PLA2G7: variants seen among roughly 807,000 people sequenced by gnomAD.
The protein encoded by PLA2G7 is phospholipase A2 group VII.
Under a neutral mutation model 49.6 loss-of-function variants are expected in PLA2G7, and 63 were observed. That is an observed-to-expected ratio of 1.27 (90% CI 1.04 to 1.57). PLA2G7 has a LOEUF of 1.57. Among genes scored for constraint, PLA2G7 ranks in the 40% most tolerant of loss-of-function variants. The probability of loss-of-function intolerance (pLI) is 0.00; values close to 1 mark genes in which losing one functional copy is unlikely to be tolerated. For missense variants in PLA2G7, 596 were observed against 521.2 expected, an observed-to-expected ratio of 1.14 and a Z score of -1.40; for synonymous variants, 193 against 169.9, an observed-to-expected ratio of 1.14 and a Z score of -1.06.
rs759169916 is a variant in PLA2G7 at position 46,716,376 on chromosome 6, A to C, written c.376+8T>G. On this transcript the variant is annotated splice_region_variant and intron_variant, in intron 4 of 11. Coordinates refer to ENST00000274793, the MANE Select transcript of PLA2G7 (RefSeq NM_005084.4). ...GAGCCTACAAAGAAGGATCAACAGA[A>C]ATCTTACCAAAGAGTAACCTCAAAA... 1 of 1,614,016 alleles carries C rather than the reference A, an allele frequency of 6.2e-7. No homozygotes were observed. Among genetic ancestry groups the C allele is most frequent in the East Asian group, 2.2e-5 (1 of 44,860 alleles).
At chr6:46,712,520 G>T (rs995984836) in intron 5 of PLA2G7, among the ~76,000 whole-genome samples, 183 bp from the exon 6 acceptor site, 2 of 152,154 alleles carry the variant, frequency 1.3e-5, no homozygotes, top group African/African-American at 4.8e-5. Context: ...ACAATGTCTG[G>T]AGGTATTTTC....
rs183702131 is a variant in PLA2G7, at chr6:46,712,333, G to T, written c.475C>A (p.Leu159Ile). The change falls in exon 6 of 12, where the codon CTT (leucine) becomes ATT (isoleucine). Residue 159 changes from leucine to isoleucine, a missense_variant. Transcript: ENST00000274793. Reference protein sequence around the residue: ...FSHGLGAFRTLYSAIGIDLAS... With the variant: ...FSHGLGAFRTIYSAIGIDLAS... ...AGGTCAATGCCAATAGCAGAATAAAGTGTCCTTCAAAACAAAAAGAGGGAA... is the reference window on the plus strand; with the variant it reads ...AGGTCAATGCCAATAGCAGAATAAATTGTCCTTCAAAACAAAAAGAGGGAA... 6.8e-6 allele frequency: 11 copies of T among 1,610,318 alleles called. No individual in the cohort carries two copies. The East Asian group carries it at 2.5e-4, about 36-fold the overall frequency.
At chr6:46,727,629 C>T (rs562219603) in intron 1 of PLA2G7, among the ~76,000 whole-genome samples, 2 of 152,312 alleles carry the variant, frequency 1.3e-5, no homozygotes, top group South Asian at 4.1e-4. Flanking sequence ...TAATGTTAAT[C>T]AGTTGACCTT....
chr6:46,714,685 C>A, intron 4 of PLA2G7, 132 bp from the exon 5 acceptor site: 3 of 665,540 alleles, frequency 4.5e-6, no homozygotes, highest in South Asian at 1.6e-5. Flanking sequence ...ATAGTAGATT[C>A]ATTAAAAAGA....
Position 46,717,185 on chromosome 6 carries a change from T to C in PLA2G7, c.110-89A>G, listed in dbSNP as rs964573435. ...AGAATTCCAACGGAATCAAGTTACT[T>C]CCCATAGTTTCTGGCCTTCTTTCTT... On this transcript the variant is annotated intron_variant, in intron 2 of 11. Coordinates refer to ENST00000274793, the MANE Select transcript of PLA2G7 (RefSeq NM_005084.4). 8 of 1,186,618 alleles carry C rather than the reference T, an allele frequency of 6.7e-6. No individual in the cohort carries two copies. In the African/African-American group the frequency reaches 1.2e-4, roughly 18 times the overall value. The allele number at this position is 1,186,618 out of a possible 1,614,324, so 73.5% of individuals were successfully genotyped here. A position where few individuals can be genotyped will look rare whatever the true frequency, so the allele number is the denominator to read the frequency against.
Position 46,714,453 on chromosome 6 carries a change from A to T in PLA2G7, c.470+7T>A, listed in dbSNP as rs754779101. ...AAGCCAAAATTGTTCAACCTCTCAA[A>T]CATTACCTGAATGCCCCAAGACCAT... is the stretch of plus-strand genomic sequence containing the variant. On this transcript the variant is annotated splice_region_variant and intron_variant, in intron 5 of 11. Transcript: ENST00000274793. 1.3e-6 allele frequency: 2 copies of T among 1,579,486 alleles called. No individual in the cohort carries two copies. Among genetic ancestry groups the T allele is most frequent in the Non-Finnish European group, 1.7e-6 (2 of 1,148,582 alleles).
At chr6:46,729,688 G>A (rs1035187645) in intron 1 of PLA2G7, among the ~76,000 whole-genome samples, 1 of 152,090 alleles carries the variant, frequency 6.6e-6, no homozygotes, top group Admixed American at 6.5e-5. Flanking sequence ...CTGACACTAG[G>A]GGCTGATAAG....
chr6:46,725,227 G>C (rs1314873521), intron 1 of PLA2G7, among the ~76,000 whole-genome samples: 1 of 151,020 alleles, frequency 6.6e-6, no homozygotes, highest in Non-Finnish European at 1.5e-5. Flanking sequence ...TGTGTTGCTG[G>C]AGCTCTAAAT....
In PLA2G7 at chr6:46,729,277, C is replaced by T. The variant is rs535251039; in HGVS notation, c.-35+5903G>A. Among the ~76,000 whole-genome samples the T allele has an allele frequency of 7.2e-5, 11 of 152,054 alleles. No homozygotes were observed. The South Asian group carries it at 1.2e-3, about 17-fold the overall frequency. Reference sequence around the variant, plus strand: ...TATGGAGGAAAATACTAAAAGAAGCCGGAAAAATGATAATGGGGACCATAG... The same window carrying T: ...TATGGAGGAAAATACTAAAAGAAGCTGGAAAAATGATAATGGGGACCATAG... On this transcript the variant is annotated intron_variant, in intron 1 of 11. Coordinates refer to ENST00000274793, the MANE Select transcript of PLA2G7 (RefSeq NM_005084.4).
At chr6:46,705,102 C>G (rs775528156) in intron 11 of PLA2G7, 51 bp downstream of exon 11, 3 of 1,344,742 alleles carry the variant, frequency 2.2e-6, no homozygotes, top group Middle Eastern at 2.4e-4. Flanking sequence ...AGATAGACAG[C>G]TTTGTCCTGA....
intron 5 of PLA2G7, among the ~76,000 whole-genome samples, chr6:46,713,525 C>T (rs1420469192): frequency 6.6e-6 from 1 of 152,142 alleles, no homozygotes; most frequent in Non-Finnish European, 1.5e-5. Context: ...TCTAATTTGC[C>T]AGTCACTAAT....
At position 46,716,511 on chromosome 6, in the gene PLA2G7, T is replaced by C; in HGVS notation, c.249A>G (p.Leu83=). 3 of 1,613,814 alleles carry C rather than the reference T, an allele frequency of 1.9e-6. No individual in the cohort carries two copies. Among genetic ancestry groups the C allele is most frequent in the Non-Finnish European group, 2.5e-6 (3 of 1,179,728 alleles). The change falls in exon 4 of 12, where the codon TTA becomes TTG. Residue 83 remains leucine, a synonymous_variant. Coordinates refer to ENST00000274793, the MANE Select transcript of PLA2G7 (RefSeq NM_005084.4). ...DHTNKGTFLR[L]YYPSQDNDRL... is the part of the protein sequence containing the mutation. ...GATCATTATCTTGGGATGGATAATA[T>C]AAACGCAAGAAGGTGCCCTGTTAAG...
intron 2 of PLA2G7, among the ~76,000 whole-genome samples, chr6:46,721,267 C>T (rs934852319): frequency 6.6e-6 from 1 of 151,796 alleles, no homozygotes; most frequent in Non-Finnish European, 1.5e-5. Context: ...AGGCTGGTCT[C>T]GAACTCCTGA....
Position 46,725,374 on chromosome 6 carries a change from G to A in PLA2G7, c.-34-2449C>T, listed in dbSNP as rs568177377. Among the ~76,000 whole-genome samples the A allele has an allele frequency of 7.2e-5, 11 of 152,070 alleles. No homozygotes were observed. The Middle Eastern group carries it at 0.017, about 235-fold the overall frequency. On this transcript the variant is annotated intron_variant, in intron 1 of 11. Transcript: ENST00000274793. ...AGCCTCTCGAGTAGCTGGGACTATA[G>A]GTGCCCACCTCCATGCCCGGCTAAT...
At chr6:46,716,596 G>A (rs940482656) in intron 3 of PLA2G7, 68 bp from the exon 4 acceptor site, 61 of 1,540,030 alleles carry the variant, frequency 4.0e-5, no homozygotes, top group Admixed American at 1.7e-4. Flanking sequence ...CAGCTATTTT[G>A]CATATTTAAT....
At chr6:46,717,311 C>G (rs1276587035) in intron 2 of PLA2G7, among the ~76,000 whole-genome samples, 2 of 152,146 alleles carry the variant, frequency 1.3e-5, no homozygotes, top group East Asian at 3.8e-4. Flanking sequence ...TAGACATAGC[C>G]TTTCTCTCAA....
chr6:46,716,466 G>T lies in PLA2G7; in HGVS notation c.294C>A (p.Ile98=), dbSNP rs1278539167. ...GACCCCAAAAATATTCTTTATTTGG[G>T]ATCCAAAGGGTGTCAAGGCGATCAT... is the stretch of plus-strand genomic sequence containing the variant. ...QDNDRLDTLW[I]PNKEYFWGLS... The change falls in exon 4 of 12, where the codon ATC becomes ATA. Residue 98 remains isoleucine (I), a synonymous_variant. Coordinates refer to ENST00000274793, the MANE Select transcript of PLA2G7 (RefSeq NM_005084.4). 1.2e-6 allele frequency: 2 copies of T among 1,613,656 alleles called. No individual in the cohort carries two copies. Among genetic ancestry groups the T allele is most frequent in the African/African-American group, 1.3e-5 (1 of 74,900 alleles).
intron 1 of PLA2G7, among the ~76,000 whole-genome samples, chr6:46,725,363 C>T (rs1166272786): frequency 6.6e-6 from 1 of 151,900 alleles, no homozygotes; most frequent in East Asian, 1.9e-4. Context: ...TCTCGAGTAG[C>T]TGGGACTATA....
intron 1 of PLA2G7, among the ~76,000 whole-genome samples, chr6:46,730,432 G>T (rs902132511): frequency 6.6e-6 from 1 of 152,216 alleles, no homozygotes; most frequent in Non-Finnish European, 1.5e-5. Context: ...GAAGGTGAAA[G>T]TATAACAGAC....
Sources: gnomAD v4.1 joint callset for allele counts (sites outside exome capture counted in the v4.1 genomes callset) on GRCh38, gnomAD v4.1.1 for gene constraint, MANE v1.5 for transcripts, NCBI Gene and HGNC (gene_info 2026-07-23, HGNC 2026-07-21) for gene names.